Variants in COQ10B observed in about 807,000 individuals in gnomAD.
The protein encoded by COQ10B is coenzyme Q-binding protein COQ10 homolog B, mitochondrial.
A neutral mutation model predicts 27.6 loss-of-function variants in COQ10B; 12 were observed. The observed-to-expected ratio is 0.43, with a 90% CI of 0.28 to 0.70. The LOEUF (loss-of-function observed/expected upper bound fraction) is 0.70, where lower values mean the gene tolerates loss of function less well. COQ10B is among the 30% of genes least tolerant of loss of function. COQ10B has a pLI of 0.17. For synonymous variants in COQ10B, 115 were observed against 103.0 expected (o/e 1.12, Z -0.71); for missense variants, 278 against 288.7 (o/e 0.96, Z 0.27).
intron 3 of COQ10B, among the ~76,000 whole-genome samples, chr2:197,463,504 G>A (rs2085783839): frequency 6.6e-6 from 1 of 150,906 alleles, no homozygotes; most frequent in Non-Finnish European, 1.5e-5. Flanking sequence ...ATATAAATAT[G>A]TCATGTCAGG....
At chr2:197,468,995 C>G (rs1005941820) in intron 3 of COQ10B, among the ~76,000 whole-genome samples, 1 of 152,112 alleles carries the variant, frequency 6.6e-6, no homozygotes, top group Non-Finnish European at 1.5e-5. Flanking sequence ...GATGGCATCT[C>G]TTTCATGGAT....
rs1019783843 is a variant in COQ10B, at chr2:197,474,306, T to C, written c.*382T>C. ...TGTATTATATTAACCATATCACACT[T>C]AAGTTATTAAATTCAGACTATTTGT... On this transcript the variant is annotated 3_prime_UTR_variant, in exon 5 of 5. Coordinates refer to ENST00000263960, the MANE Select transcript of COQ10B (RefSeq NM_025147.5). 2 of 155,628 alleles carry C rather than the reference T, an allele frequency of 1.3e-5. No homozygotes were observed. The highest frequency in any genetic ancestry group is 4.8e-5 in the African/African-American group (2 of 41,608). The allele number at this position is 155,628 out of a possible 1,614,324, so 9.6% of individuals were successfully genotyped here.
chr2:197,459,958 T>C lies in COQ10B; in HGVS notation c.131T>C (p.Met44Thr). 1 of 1,609,652 alleles carries C rather than the reference T, an allele frequency of 6.2e-7. No homozygotes were observed. Among genetic ancestry groups the C allele is most frequent in the Non-Finnish European group, 8.5e-7 (1 of 1,178,142 alleles). The part of the protein sequence containing the change: ...GRYLASCGIL[M>T]SRTLPLHTSI... ...TATTTAGCTTCCTGTGGTATACTGA[T>C]GAGCAGAACTCTTCCACTACATACC... The change falls in exon 2 of 5, where the codon ATG (methionine) becomes ACG (threonine). Residue 44 changes from methionine (M) to threonine (T), a missense_variant. This residue lies in a region of COQ10B where 183 missense variants were observed against 158.2 expected (regional missense o/e 1.16). Coordinates refer to ENST00000263960, the MANE Select transcript of COQ10B (RefSeq NM_025147.5).
In COQ10B at chr2:197,453,554, GTC is replaced by G. The variant is rs1212458439; in HGVS notation, c.-5_-4del. ...GGGAGGTGACGACCGGCTTCGGAGAGTCTATCATGGCAGCTCGGACTGGTCAT... is the reference window on the plus strand; with the variant it reads ...GGGAGGTGACGACCGGCTTCGGAGAGTATCATGGCAGCTCGGACTGGTCAT... On this transcript the variant is annotated 5_prime_UTR_variant, in exon 1 of 5. Coordinates refer to ENST00000263960, the MANE Select transcript of COQ10B (RefSeq NM_025147.5). 1.2e-6 allele frequency: 2 copies of G among 1,610,460 alleles called. No homozygotes were observed. The highest frequency in any genetic ancestry group is 1.7e-5 in the Admixed American group (1 of 59,988).
At chr2:197,464,851 C>T (rs1310231697) in intron 3 of COQ10B, among the ~76,000 whole-genome samples, 2 of 151,598 alleles carry the variant, frequency 1.3e-5, no homozygotes, top group Admixed American at 6.6e-5. Context: ...CTCAATTTAC[C>T]ATTCAGTCCC....
chr2:197,466,041 G>A (rs1273180671), intron 3 of COQ10B, among the ~76,000 whole-genome samples: 2 of 152,062 alleles, frequency 1.3e-5, no homozygotes, highest in East Asian at 1.9e-4. Flanking sequence ...GCAGTGAGCC[G>A]AGATCGCGCC....
intron 1 of COQ10B, among the ~76,000 whole-genome samples, chr2:197,457,806 A>G (rs1487401649): frequency 6.6e-6 from 1 of 151,582 alleles, no homozygotes; most frequent in African/African-American, 2.4e-5. Context: ...ATTTTTAGTA[A>G]AGGCAGGGTT....
intron 4 of COQ10B, among the ~76,000 whole-genome samples, chr2:197,472,342 C>T (rs550646157): frequency 2.0e-5 from 3 of 152,096 alleles, no homozygotes; most frequent in Non-Finnish European, 4.4e-5. Flanking sequence ...TCTGGTTGGG[C>T]CAGTAAAGCC....
chr2:197,471,361 C>T (rs79208422), intron 4 of COQ10B, among the ~76,000 whole-genome samples: 25,460 of 151,854 alleles, frequency 0.17, 2,291 homozygotes, highest in Middle Eastern at 0.29. Context: ...AGGCTGGTCT[C>T]GAACTTCTGG....
intron 3 of COQ10B, among the ~76,000 whole-genome samples, chr2:197,468,110 T>C (rs1228040254): frequency 6.6e-6 from 1 of 151,970 alleles, no homozygotes; most frequent in African/African-American, 2.4e-5. Flanking sequence ...GGCTAGATAA[T>C]TGGAGTGAGT....
chr2:197,471,706 C>T (rs1224621375), intron 4 of COQ10B, among the ~76,000 whole-genome samples: 3 of 151,968 alleles, frequency 2.0e-5, no homozygotes, highest in Non-Finnish European at 2.9e-5. Flanking sequence ...ATTTGGGAGG[C>T]CGAGGCGGGC....
chr2:197,461,965 A>C (rs1388283631), intron 2 of COQ10B, among the ~76,000 whole-genome samples: 1 of 151,964 alleles, frequency 6.6e-6, no homozygotes, highest in Non-Finnish European at 1.5e-5. Flanking sequence ...CTGGCTACTA[A>C]AAATTTAAAA....
intron 1 of COQ10B, among the ~76,000 whole-genome samples, chr2:197,458,273 T>A (rs1403706153): frequency 6.6e-6 from 1 of 152,194 alleles, no homozygotes; most frequent in Non-Finnish European, 1.5e-5. Flanking sequence ...TACTAATGCC[T>A]ATGTGTATTA....
chr2:197,473,145 T>TC (rs1410705876), intron 4 of COQ10B, among the ~76,000 whole-genome samples: 1 of 152,008 alleles, frequency 6.6e-6, no homozygotes, highest in African/African-American at 2.4e-5. Flanking sequence ...AAAAGAAGAT[T>TC]CCCTCTTTTG....
rs746827856 is a variant in COQ10B, at chr2:197,460,099, A to G, written c.254+18A>G. The G allele has an allele frequency of 1.5e-5, 23 of 1,565,398 alleles. 1 individual carries two copies. The Admixed American group carries it at 3.0e-4, about 20-fold the overall frequency. On this transcript the variant is annotated intron_variant, in intron 2 of 4. Coordinates refer to ENST00000263960, the MANE Select transcript of COQ10B (RefSeq NM_025147.5). ...ATTTTAGGGTTCGTATATGATAAGA[A>G]TTCTACTAAAAGAGCATGTTCACAA...
chr2:197,468,126 A>G (rs2085844132), intron 3 of COQ10B, among the ~76,000 whole-genome samples: 1 of 152,042 alleles, frequency 6.6e-6, no homozygotes, highest in African/African-American at 2.4e-5. Context: ...TGAGTGAAAT[A>G]CTGCCAGATT....
Position 197,474,667 on chromosome 2 carries a change from CA to C in COQ10B, c.*744del, listed in dbSNP as rs1208840457. Reference sequence around the variant, plus strand: ...CCCTGCTGCACTCCAGCCTGGGCAACAGAGGGAGACTCTGTCTCCAAAAACA... The same window carrying C: ...CCCTGCTGCACTCCAGCCTGGGCAACGAGGGAGACTCTGTCTCCAAAAACA... On this transcript the variant is annotated 3_prime_UTR_variant, in exon 5 of 5. Coordinates refer to ENST00000263960, the MANE Select transcript of COQ10B (RefSeq NM_025147.5). 1 of 152,334 alleles carries C rather than the reference CA, an allele frequency of 6.6e-6. No homozygotes were observed. The highest frequency in any genetic ancestry group is 2.4e-5 in the African/African-American group (1 of 41,440). The allele number at this position is 152,334 out of a possible 1,614,324, so 9.4% of individuals were successfully genotyped here.
At chr2:197,460,916 C>T (rs1317882670) in intron 2 of COQ10B, among the ~76,000 whole-genome samples, 3 of 152,202 alleles carry the variant, frequency 2.0e-5, no homozygotes, top group Non-Finnish European at 4.4e-5. Flanking sequence ...GGCCCCTGAT[C>T]TAGGGGTAAA....
chr2:197,462,895 A>G (rs555264776), intron 3 of COQ10B, among the ~76,000 whole-genome samples, 164 bp downstream of exon 3: 54 of 152,350 alleles, frequency 3.5e-4, no homozygotes, highest in African/African-American at 1.3e-3. Context: ...TGTTAGCATT[A>G]TTCTTTCCAA....
Sources: gnomAD v4.1 joint callset for allele counts (sites outside exome capture counted in the v4.1 genomes callset) on GRCh38, gnomAD v4.1.1 for gene constraint, gnomAD v4.1.1 regional missense constraint, MANE v1.5 for transcripts, NCBI Gene and HGNC (gene_info 2026-07-23, HGNC 2026-07-21) for gene names.